The following EIF4G3 variants were observed in gnomAD, a reference collection of about 807,000 sequenced individuals.
EIF4G3 encodes eukaryotic translation initiation factor 4 gamma 3.
A neutral mutation model predicts 186.4 loss-of-function variants in EIF4G3; 34 were observed. The ratio of observed to expected loss-of-function variants is 0.18; its 90% CI spans 0.14 to 0.24. The LOEUF is 0.24. Among genes scored for constraint, EIF4G3 ranks in the 10% least tolerant of loss-of-function variants. The pLI is 1.00. For missense variants in EIF4G3, 1,536 were observed against 1,948.5 expected, an observed-to-expected ratio of 0.79 and a Z score of 3.99; for synonymous variants, 673 against 679.5, an observed-to-expected ratio of 0.99 and a Z score of 0.15.
chr1:20,959,692 A>C (rs140899747), intron 12 of EIF4G3, among the ~76,000 whole-genome samples: 8 of 134,018 alleles, frequency 6.0e-5, no homozygotes, highest in Non-Finnish European at 1.3e-4. Context: ...TAATAATAAT[A>C]ATAATCCCAT....
intron 15 of EIF4G3, among the ~76,000 whole-genome samples, chr1:20,903,581 A>C (rs1185938645): frequency 6.6e-6 from 1 of 152,176 alleles, no homozygotes; most frequent in Non-Finnish European, 1.5e-5. Context: ...GAGTGCAATG[A>C]CTATTTGCAC....
At chr1:21,172,738 C>T (rs1411656608) in intron 2 of EIF4G3, among the ~76,000 whole-genome samples, 22 of 150,910 alleles carry the variant, frequency 1.5e-4, no homozygotes, top group African/African-American at 4.7e-4. Flanking sequence ...TTAGTAGAGA[C>T]GGGGTTTCAC....
At chr1:21,164,323 T>G (rs1262767941) in intron 2 of EIF4G3, among the ~76,000 whole-genome samples, 1 of 152,196 alleles carries the variant, frequency 6.6e-6, no homozygotes, top group Non-Finnish European at 1.5e-5. Flanking sequence ...CAACACTTGT[T>G]TTCCGGGCAT....
At chr1:20,981,318 T>A in intron 8 of EIF4G3, 91 bp from the exon 9 acceptor site, 1 of 870,974 alleles carries the variant, frequency 1.1e-6, no homozygotes, top group Non-Finnish European at 1.7e-6. Context: ...CTAATAAAAA[T>A]CTGGTCAACT....
chr1:21,173,065 A>C (rs2098018212), intron 2 of EIF4G3, among the ~76,000 whole-genome samples: 1 of 140,944 alleles, frequency 7.1e-6, no homozygotes, highest in Non-Finnish European at 1.5e-5. Context: ...TTTGAACCCA[A>C]GAGGCGGAGG....
At chr1:21,144,065 T>C (rs2097391901) in intron 2 of EIF4G3, among the ~76,000 whole-genome samples, 3 of 152,196 alleles carry the variant, frequency 2.0e-5, no homozygotes, top group Admixed American at 2.0e-4. Context: ...AATAACTAAA[T>C]GAAGCAATTT....
At chr1:20,923,473 T>C (rs1254534961) in intron 14 of EIF4G3, among the ~76,000 whole-genome samples, 1 of 152,176 alleles carries the variant, frequency 6.6e-6, no homozygotes, top group Non-Finnish European at 1.5e-5. Context: ...TGCAATTTAA[T>C]TCAAGGTAAA....
rs149910870 is a variant in EIF4G3, at chr1:20,823,767, T to C, written c.4368+1333A>G. 7.2e-5 allele frequency among the ~76,000 whole-genome samples: 11 copies of C among 152,358 alleles called. No individual in the cohort carries two copies. The East Asian group carries it at 1.3e-3, about 19-fold the overall frequency. ...TTTCTTTTACTATAGTGTTATTTTATACTCTGAATGATAATTCCATTACCT... is the reference window on the plus strand; with the variant it reads ...TTTCTTTTACTATAGTGTTATTTTACACTCTGAATGATAATTCCATTACCT... On this transcript the variant is annotated intron_variant, in intron 33 of 36. Coordinates refer to ENST00000602326, the MANE Select transcript of EIF4G3 (RefSeq NM_001391906.1).
chr1:20,983,335 T>C (rs946386653), intron 7 of EIF4G3, among the ~76,000 whole-genome samples: 1 of 152,154 alleles, frequency 6.6e-6, no homozygotes, highest in Non-Finnish European at 1.5e-5. Context: ...GCAAAGTTGG[T>C]AACATAGGAA....
At chr1:20,823,526 G>T (rs947594820) in intron 33 of EIF4G3, among the ~76,000 whole-genome samples, 2 of 151,906 alleles carry the variant, frequency 1.3e-5, no homozygotes, top group Admixed American at 6.6e-5. Context: ...ACGACTACAG[G>T]TGCACCAATA....
chr1:21,042,483 A>G (rs1183607598), intron 4 of EIF4G3, among the ~76,000 whole-genome samples: 1 of 152,168 alleles, frequency 6.6e-6, no homozygotes, highest in African/African-American at 2.4e-5. Context: ...CACAGTTCTT[A>G]GTTCTATAAA....
chr1:20,916,019 G>C (rs187738934), intron 14 of EIF4G3, among the ~76,000 whole-genome samples: 18 of 152,222 alleles, frequency 1.2e-4, no homozygotes, highest in Non-Finnish European at 4.4e-5. Context: ...TGCAGGACAT[G>C]AAACTGATAT....
At chr1:20,998,223 ACACACACACACAC>A (rs2082716172) in intron 6 of EIF4G3, among the ~76,000 whole-genome samples, 1 of 39,102 alleles carries the variant, frequency 2.6e-5, no homozygotes, top group Non-Finnish European at 6.6e-5. Context: ...ACACACACAC[ACACACACACACAC>A]ACACACACAC....
chr1:20,837,633 C>G (rs1279075882), intron 30 of EIF4G3, among the ~76,000 whole-genome samples: 1 of 152,184 alleles, frequency 6.6e-6, no homozygotes, highest in Non-Finnish European at 1.5e-5. Flanking sequence ...CTCAGAGGCT[C>G]TTCCACAATA....
chr1:21,114,812 T>C (rs1197641940), intron 2 of EIF4G3, among the ~76,000 whole-genome samples: 1 of 152,190 alleles, frequency 6.6e-6, no homozygotes, highest in Non-Finnish European at 1.5e-5. Context: ...AAAAACTCAA[T>C]CGTTATTATT....
chr1:21,077,981 G>A (rs2095642202), intron 3 of EIF4G3, among the ~76,000 whole-genome samples: 2 of 151,614 alleles, frequency 1.3e-5, no homozygotes, highest in African/African-American at 2.4e-5. Flanking sequence ...GGCCACTAAG[G>A]AGAACAGTAT....
At chr1:20,920,847 G>C (rs2094440205) in intron 14 of EIF4G3, among the ~76,000 whole-genome samples, 2 of 151,996 alleles carry the variant, frequency 1.3e-5, no homozygotes, top group South Asian at 4.1e-4. Context: ...AGTGGCCCAG[G>C]TTTCCTGATA....
intron 2 of EIF4G3, among the ~76,000 whole-genome samples, chr1:21,115,627 G>GA (rs558904147): frequency 2.0e-5 from 3 of 151,824 alleles, no homozygotes; most frequent in Non-Finnish European, 4.4e-5. Context: ...AAATGAAGGG[G>GA]AAAAAAAATG....
chr1:20,867,234 C>T (rs1304706189), intron 20 of EIF4G3, among the ~76,000 whole-genome samples: 1 of 152,154 alleles, frequency 6.6e-6, no homozygotes, highest in Non-Finnish European at 1.5e-5. Flanking sequence ...CTTTAATAAG[C>T]CACAGATAAA....
Sources: allele counts gnomAD v4.1 joint callset (sites outside exome capture counted in the v4.1 genomes callset), GRCh38; gene constraint gnomAD v4.1.1; transcripts MANE v1.5; gene names NCBI Gene and HGNC (gene_info 2026-07-23, HGNC 2026-07-21).